The following ZNF430 variants were observed in gnomAD, a reference collection of about 807,000 sequenced individuals.
ZNF430 encodes the protein zinc finger protein 430.
ZNF430 carries 35 observed loss-of-function variants against 56.7 expected under a neutral mutation model. That is an observed-to-expected ratio of 0.62 (90% CI 0.47 to 0.82). ZNF430 has a LOEUF of 0.82. ZNF430 is among the 40% of genes least tolerant of loss of function. The pLI, the probability that ZNF430 is intolerant of heterozygous loss-of-function variation, is 0.00. For synonymous variants in ZNF430, 212 were observed against 224.3 expected, an observed-to-expected ratio of 0.94 and a Z score of 0.49; for missense variants, 574 against 661.0, an observed-to-expected ratio of 0.87 and a Z score of 1.44.
In ZNF430 at chr19:21,059,372, C is replaced by G. The variant is rs889626499; in HGVS notation, c.*1351C>G. On this transcript the variant is annotated 3_prime_UTR_variant, in exon 5 of 5. Transcript: ENST00000261560. ...CAGCCTGACTAACATGGAGAAAACA[C>G]GGCTCTACTAAAAATACAAAATTAG... 1 of 151,918 alleles carries G rather than the reference C, an allele frequency of 6.6e-6. No homozygotes were observed. Among genetic ancestry groups the G allele is most frequent in the African/African-American group, 2.4e-5 (1 of 41,338 alleles). 9.4% of individuals were successfully genotyped at this position (151,918 alleles called of 1,614,324 possible). A position where few individuals can be genotyped will look rare whatever the true frequency, so the allele number is the denominator to read the frequency against.
rs907222477 is a variant in ZNF430, at chr19:21,029,511, G to C, written c.97-3945G>C. Among the ~76,000 whole-genome samples, 5 of 152,132 alleles carry C rather than the reference G, an allele frequency of 3.3e-5. No individual in the cohort carries two copies. The East Asian group carries it at 7.7e-4, about 23-fold the overall frequency. ...TGGGATTTAAGATTCTCTTATGTAA[G>C]CTTAGGAAAAACAGAACTGGAAATA... On this transcript the variant is annotated intron_variant, in intron 2 of 4. Coordinates refer to ENST00000261560, the MANE Select transcript of ZNF430 (RefSeq NM_025189.4).
intron 1 of ZNF430, among the ~76,000 whole-genome samples, chr19:21,022,255 T>C (rs1568581761): frequency 6.6e-6 from 1 of 152,170 alleles, no homozygotes; most frequent in Non-Finnish European, 1.5e-5. Flanking sequence ...ATTTTTCACC[T>C]GTGTCCCAAG....
chr19:21,053,490 T>C (rs932918436), intron 4 of ZNF430: 6 of 152,222 alleles, frequency 3.9e-5, no homozygotes, highest in African/African-American at 1.4e-4. Flanking sequence ...GCCTTCCAGG[T>C]TCAAGTGATT....
At chr19:21,031,135 C>T (rs73014838) in intron 2 of ZNF430, among the ~76,000 whole-genome samples, 10,811 of 152,182 alleles carry the variant, frequency 0.071, 472 homozygotes, top group Non-Finnish European at 0.086. Context: ...CCATGTGCCT[C>T]GGCCTCCTAA....
chr19:21,056,936 T>A lies in ZNF430; in HGVS notation c.628T>A (p.Cys210Ser), dbSNP rs370882800. The A allele has an allele frequency of 5.6e-6, 9 of 1,613,306 alleles. No homozygotes were observed. Among genetic ancestry groups the A allele is most frequent in the Non-Finnish European group, 7.6e-6 (9 of 1,179,738 alleles). ...AAAGAAGCCTTTCAAATGTAAAAAA[T>A]GTGACAAATCGTTTTGCATGCTTTT... ...TGKKPFKCKK[C>S]DKSFCMLLHL... is the part of the protein sequence containing the mutation. The change falls in exon 5 of 5, where the codon TGT becomes AGT. Residue 210 changes from cysteine to serine, a missense_variant. By Grantham distance (112) the Cys-to-Ser change is moderately radical. Coordinates refer to ENST00000261560, the MANE Select transcript of ZNF430 (RefSeq NM_025189.4).
At chr19:21,031,736 G>GA (rs1428525620) in intron 2 of ZNF430, among the ~76,000 whole-genome samples, 1 of 152,096 alleles carries the variant, frequency 6.6e-6, no homozygotes, top group Non-Finnish European at 1.5e-5. Context: ...GAAAGAAAGA[G>GA]AAAAAATGGC....
At position 21,057,053 on chromosome 19, in the gene ZNF430, A is replaced by G. The variant is rs1968391143; in HGVS notation, c.745A>G (p.Thr249Ala). Residue 249 changes from threonine to alanine, a missense_variant, in exon 5 of 5, where the codon ACT becomes GCT. Coordinates refer to ENST00000261560, the MANE Select transcript of ZNF430 (RefSeq NM_025189.4). Reference protein sequence around the residue: ...GKVFNWFSTLTRHRRIHTGEK... With the variant: ...GKVFNWFSTLARHRRIHTGEK... ...AGTCTTTAACTGGTTCTCAACCCTTACTAGACACAGAAGAATTCATACTGG... is the reference window on the plus strand; with the variant it reads ...AGTCTTTAACTGGTTCTCAACCCTTGCTAGACACAGAAGAATTCATACTGG... 2 of 1,614,104 alleles carry G rather than the reference A, an allele frequency of 1.2e-6. No homozygotes were observed. Among genetic ancestry groups the G allele is most frequent in the African/African-American group, 1.3e-5 (1 of 75,070 alleles).
chr19:21,030,046 CAGAT>C (rs1001863724), intron 2 of ZNF430, among the ~76,000 whole-genome samples: 1 of 142,194 alleles, frequency 7.0e-6, no homozygotes, highest in African/African-American at 2.6e-5. Context: ...AACCCAAAAA[CAGAT>C]AAATGACAGA....
At chr19:21,040,367 C>T (rs1968081180) in intron 4 of ZNF430, among the ~76,000 whole-genome samples, 2 of 152,154 alleles carry the variant, frequency 1.3e-5, no homozygotes, top group Admixed American at 1.3e-4. Flanking sequence ...GGGACTAATT[C>T]TCATAAATGC....
chr19:21,050,191 A>ATTT (rs1555803177), intron 4 of ZNF430, among the ~76,000 whole-genome samples: 2 of 151,776 alleles, frequency 1.3e-5, no homozygotes, highest in Admixed American at 1.3e-4. Context: ...GCCCCCCTAT[A>ATTT]TTCTTCTAAG....
At position 21,020,773 on chromosome 19, in the gene ZNF430, G is replaced by A. The variant is rs1026544258; in HGVS notation, c.-28G>A. ...CAGGTATTGGGAGATCTACAGCTAA[G>A]ACGCCAGGAACCCCTGGAAGCCTAG... On this transcript the variant is annotated 5_prime_UTR_variant, in exon 1 of 5. Transcript: ENST00000261560. 1.2e-6 allele frequency: 2 copies of A among 1,613,682 alleles called. No individual in the cohort carries two copies. Among genetic ancestry groups the A allele is most frequent in the Non-Finnish European group, 1.7e-6 (2 of 1,179,728 alleles).
chr19:21,040,475 G>C (rs931405687), intron 4 of ZNF430, among the ~76,000 whole-genome samples: 4 of 152,148 alleles, frequency 2.6e-5, no homozygotes, highest in Non-Finnish European at 5.9e-5. Flanking sequence ...CCTCACACTT[G>C]CTCTGTCTCT....
At chr19:21,029,662 T>C (rs1967865430) in intron 2 of ZNF430, among the ~76,000 whole-genome samples, 1 of 152,132 alleles carries the variant, frequency 6.6e-6, no homozygotes, top group African/African-American at 2.4e-5. Flanking sequence ...CTCACAAAAC[T>C]GATTTATAAA....
At chr19:21,026,827 C>CTTTTCT (rs1555801567) in intron 2 of ZNF430, among the ~76,000 whole-genome samples, 4 of 68,716 alleles carry the variant, frequency 5.8e-5, no homozygotes, top group Non-Finnish European at 1.0e-4. Flanking sequence ...CTTTTCTTTT[C>CTTTTCT]TTTTTTTTTT....
At chr19:21,038,133 T>C (rs1450110417) in intron 4 of ZNF430, among the ~76,000 whole-genome samples, 1 of 152,164 alleles carries the variant, frequency 6.6e-6, no homozygotes, top group Non-Finnish European at 1.5e-5. Flanking sequence ...CCAAGACCAA[T>C]GTCATGTCTT....
chr19:21,029,606 T>C (rs10417165), intron 2 of ZNF430, among the ~76,000 whole-genome samples: 125,546 of 152,040 alleles, frequency 0.83, 53,558 homozygotes, highest in Middle Eastern at 0.94. Context: ...CAGATTCACG[T>C]TTTTTGGAGG....
In ZNF430 at chr19:21,021,823, A is replaced by ATTTTTTTTTTTTTTTTTTT. The variant is rs71174785; in HGVS notation, c.4-954_4-936dup. 1.8e-4 allele frequency among the ~76,000 whole-genome samples: 15 copies of ATTTTTTTTTTTTTTTTTTT among 85,708 alleles called. 1 individual carries two copies. The highest frequency in any genetic ancestry group is 6.9e-4 in the African/African-American group (13 of 18,814). The allele number at this position is 85,708 out of a possible 152,430, so 56.2% of individuals were successfully genotyped here. On this transcript the variant is annotated intron_variant, in intron 1 of 4. Coordinates refer to ENST00000261560, the MANE Select transcript of ZNF430 (RefSeq NM_025189.4). ...TTTCAAAACGATGCGCCTGAGTTAG[A>ATTTTTTTTTTTTTTTTTTT]TTTTTTTTTTTTTTTTTTTTTTTTT...
chr19:21,047,299 G>T (rs560845039), intron 4 of ZNF430, among the ~76,000 whole-genome samples: 2 of 152,292 alleles, frequency 1.3e-5, no homozygotes, highest in Middle Eastern at 3.4e-3. Flanking sequence ...GCTCAGCAAA[G>T]TTCATCATTA....
At position 21,027,050 on chromosome 19, in the gene ZNF430, G is replaced by A. The variant is rs141419980; in HGVS notation, c.96+4169G>A. ...TCACCATGTTGGCCAGGATGGTCTC[G>A]ATCTCTTGACCTCGTGATCTGCTCA... is the stretch of plus-strand genomic sequence containing the variant. On this transcript the variant is annotated intron_variant, in intron 2 of 4. Transcript: ENST00000261560. Among the ~76,000 whole-genome samples the A allele has an allele frequency of 5.0e-3, 757 of 151,578 alleles. 8 individuals are homozygous for A. Among genetic ancestry groups the A allele is most frequent in the African/African-American group, 0.017 (718 of 41,324 alleles).
Sources: allele counts gnomAD v4.1 joint callset (sites outside exome capture counted in the v4.1 genomes callset), GRCh38; gene constraint gnomAD v4.1.1; transcripts MANE v1.5; gene names NCBI Gene and HGNC (gene_info 2026-07-23, HGNC 2026-07-21).